TBC1D32: variants seen among roughly 807,000 people sequenced by gnomAD.
The protein encoded by TBC1D32 is TBC1 domain family member 32.
Under a neutral mutation model 170.3 loss-of-function variants are expected in TBC1D32, and 151 were observed. That is an observed-to-expected ratio of 0.89 (90% CI 0.78 to 1.01). TBC1D32 has a LOEUF of 1.01. Ranked by LOEUF, TBC1D32 falls within the 50% of genes least tolerant of loss-of-function variation. The pLI, the probability that TBC1D32 is intolerant of heterozygous loss-of-function variation, is 0.00. For synonymous variants in TBC1D32, 498 were observed against 488.0 expected, an observed-to-expected ratio of 1.02 and a Z score of -0.27; for missense variants, 1,464 against 1,457.1, an observed-to-expected ratio of 1.00 and a Z score of -0.08.
intron 30 of TBC1D32, among the ~76,000 whole-genome samples, chr6:121,095,562 TGTGA>T (rs1392945598): frequency 6.6e-5 from 10 of 151,198 alleles, no homozygotes; most frequent in African/African-American, 2.5e-4. Context: ...TGATATTGGC[TGTGA>T]GTTTGTCATA....
intron 15 of TBC1D32, among the ~76,000 whole-genome samples, chr6:121,272,184 G>T (rs1300982053): frequency 6.6e-6 from 1 of 152,056 alleles, no homozygotes; most frequent in East Asian, 1.9e-4. Flanking sequence ...TACCATTCAG[G>T]ACATAGACAT....
At chr6:121,222,456 T>C (rs1300592030) in intron 21 of TBC1D32, among the ~76,000 whole-genome samples, 1 of 152,200 alleles carries the variant, frequency 6.6e-6, no homozygotes, top group Admixed American at 6.5e-5. Context: ...TAGAAGTACC[T>C]ATCTTTGTAT....
chr6:121,246,675 G>T (rs1186057047), intron 17 of TBC1D32, among the ~76,000 whole-genome samples: 1 of 151,484 alleles, frequency 6.6e-6, no homozygotes, highest in East Asian at 2.0e-4. Context: ...CAGAGAAATA[G>T]ATATAATAAA....
chr6:121,288,296 C>T (rs1043550632), intron 12 of TBC1D32, among the ~76,000 whole-genome samples: 52 of 151,898 alleles, frequency 3.4e-4, no homozygotes, highest in South Asian at 2.3e-3. Context: ...ATCAAATAGA[C>T]GCAATAAAAA....
chr6:121,175,137 C>G (rs1726923943), intron 22 of TBC1D32, among the ~76,000 whole-genome samples: 1 of 151,954 alleles, frequency 6.6e-6, no homozygotes, highest in Non-Finnish European at 1.5e-5. Flanking sequence ...TAGGGAGGAT[C>G]AATGTTATCA....
intron 22 of TBC1D32, among the ~76,000 whole-genome samples, chr6:121,175,495 C>T (rs930345944): frequency 6.6e-5 from 10 of 152,160 alleles, no homozygotes; most frequent in African/African-American, 2.4e-4. Flanking sequence ...CATATTGTGA[C>T]CAAGCACAGC....
At chr6:121,304,686 T>A in intron 6 of TBC1D32, 61 bp from the exon 7 acceptor site, 9 of 1,531,298 alleles carry the variant, frequency 5.9e-6, no homozygotes, top group Middle Eastern at 1.7e-4. Context: ...CTGAAAAAAA[T>A]TATTTCCTAT....
chr6:121,219,837 AT>A (rs1794289312), intron 21 of TBC1D32, among the ~76,000 whole-genome samples: 1 of 152,218 alleles, frequency 6.6e-6, no homozygotes, highest in Non-Finnish European at 1.5e-5. Context: ...TCTGCATCAC[AT>A]TTTGGTAACT....
chr6:121,129,385 G>C (rs188246892), intron 25 of TBC1D32, among the ~76,000 whole-genome samples: 9 of 152,116 alleles, frequency 5.9e-5, no homozygotes, highest in African/African-American at 1.9e-4. Flanking sequence ...ATATTCAGTA[G>C]GTTAGGTATG....
intron 3 of TBC1D32, among the ~76,000 whole-genome samples, chr6:121,316,712 T>G (rs1343343195): frequency 6.6e-6 from 1 of 152,150 alleles, no homozygotes; most frequent in Non-Finnish European, 1.5e-5. Context: ...ACTTGACCAA[T>G]GTACATATTT....
At chr6:121,154,398 G>A (rs1018794271) in intron 24 of TBC1D32, among the ~76,000 whole-genome samples, 30 of 152,148 alleles carry the variant, frequency 2.0e-4, no homozygotes, top group African/African-American at 7.0e-4. Flanking sequence ...TTCTGCATTG[G>A]TCTCACTGGG....
At chr6:121,264,866 C>T (rs1462310228) in intron 15 of TBC1D32, among the ~76,000 whole-genome samples, 2 of 152,138 alleles carry the variant, frequency 1.3e-5, no homozygotes, top group African/African-American at 2.4e-5. Flanking sequence ...TTCAACATCC[C>T]TTCATGCTAA....
At chr6:121,299,149 A>G (rs905346024) in intron 10 of TBC1D32, among the ~76,000 whole-genome samples, 2 of 152,118 alleles carry the variant, frequency 1.3e-5, no homozygotes, top group Non-Finnish European at 2.9e-5. Context: ...TGTGAATCGA[A>G]CTACATGCTA....
chr6:121,333,938 G>A (rs928751911), intron 1 of TBC1D32, among the ~76,000 whole-genome samples: 2 of 152,070 alleles, frequency 1.3e-5, no homozygotes, highest in African/African-American at 2.4e-5. Context: ...GCGGTGGCGG[G>A]CACCTGCAAT....
At chr6:121,093,380 C>T (rs1311198833) in intron 30 of TBC1D32, among the ~76,000 whole-genome samples, 1 of 152,100 alleles carries the variant, frequency 6.6e-6, no homozygotes, top group Non-Finnish European at 1.5e-5. Flanking sequence ...TTGCCTGTTG[C>T]CCTGCTGCCA....
chr6:121,223,358 G>A lies in TBC1D32; in HGVS notation c.2365-6C>T. 1.9e-6 allele frequency: 3 copies of A among 1,551,272 alleles called. No homozygotes were observed. The Admixed American group carries it at 5.6e-5, about 29-fold the overall frequency. On this transcript the variant is annotated splice_polypyrimidine_tract_variant and splice_region_variant and intron_variant, in intron 20 of 31. Coordinates refer to ENST00000398212, the MANE Select transcript of TBC1D32 (RefSeq NM_152730.6). ...TTCACCAGTGCTAAAAAAGACTAGA[G>A]GGAAAGAAAACAGTCATTTAAATGA...
chr6:121,082,178 A>C (rs1378105361), intron 31 of TBC1D32, among the ~76,000 whole-genome samples: 1 of 152,006 alleles, frequency 6.6e-6, no homozygotes, highest in Non-Finnish European at 1.5e-5. Context: ...CCTGCCCTAA[A>C]ATGTTGACAA....
At chr6:121,295,762 G>A (rs552226557) in intron 10 of TBC1D32, among the ~76,000 whole-genome samples, 8 of 152,212 alleles carry the variant, frequency 5.3e-5, no homozygotes, top group African/African-American at 9.6e-5. Flanking sequence ...TAATTGTAGC[G>A]CCAAGGAATC....
chr6:121,148,977 T>C (rs574242402), intron 24 of TBC1D32, among the ~76,000 whole-genome samples: 49 of 152,322 alleles, frequency 3.2e-4, no homozygotes, highest in Non-Finnish European at 4.3e-4. Flanking sequence ...TATCTCACTG[T>C]GGTTTTGATT....
Sources: gnomAD v4.1 joint callset for allele counts (sites outside exome capture counted in the v4.1 genomes callset) on GRCh38, gnomAD v4.1.1 for gene constraint, MANE v1.5 for transcripts, NCBI Gene and HGNC (gene_info 2026-07-23, HGNC 2026-07-21) for gene names.